Variants in AGMO observed in about 807,000 individuals in gnomAD.
AGMO encodes glyceryl-ether monooxygenase.
Under a neutral mutation model 60.2 loss-of-function variants are expected in AGMO, and 75 were observed. The ratio of observed to expected loss-of-function variants is 1.25; its 90% CI spans 1.03 to 1.51. The LOEUF is 1.51. AGMO is among the 40% of genes most tolerant of loss of function. The probability of loss-of-function intolerance (pLI) is 0.00; values close to 1 mark genes in which losing one functional copy is unlikely to be tolerated. For missense variants in AGMO, 763 were observed against 525.5 expected (o/e 1.45, Z -4.42); for synonymous variants, 261 against 177.1 (o/e 1.47, Z -3.76).
At chr7:15,322,694 G>A (rs191878147) in intron 12 of AGMO, among the ~76,000 whole-genome samples, 50,386 of 67,688 alleles carry the variant, frequency 0.74, 19,441 homozygotes, top group Admixed American at 0.84. Context: ...ATAAATATAT[G>A]AATATGTATA....
chr7:15,480,772 A>G (rs1238297700), intron 3 of AGMO, among the ~76,000 whole-genome samples: 1 of 152,086 alleles, frequency 6.6e-6, no homozygotes, highest in Non-Finnish European at 1.5e-5. Flanking sequence ...TTGTCAAAGC[A>G]CCTGCCACTG....
At chr7:15,381,309 T>C (rs887138417) in intron 10 of AGMO, among the ~76,000 whole-genome samples, 1 of 151,716 alleles carries the variant, frequency 6.6e-6, no homozygotes, top group Non-Finnish European at 1.5e-5. Context: ...CAAGCATCTA[T>C]AGGAACTTAA....
chr7:15,491,779 A>G (rs1455448323), intron 3 of AGMO, among the ~76,000 whole-genome samples: 3 of 152,204 alleles, frequency 2.0e-5, no homozygotes, highest in Non-Finnish European at 1.5e-5. Flanking sequence ...GATGAAAGAA[A>G]AATTATCTCA....
intron 2 of AGMO, among the ~76,000 whole-genome samples, chr7:15,554,952 C>T (rs921107549): frequency 4.0e-5 from 6 of 151,862 alleles, no homozygotes; most frequent in Admixed American, 6.6e-5. Flanking sequence ...CCTAAAACGA[C>T]TCTCACGTTG....
intron 10 of AGMO, among the ~76,000 whole-genome samples, chr7:15,371,217 CAA>C (rs879900101): frequency 6.6e-6 from 1 of 151,884 alleles, no homozygotes; most frequent in Non-Finnish European, 1.5e-5. Flanking sequence ...TATTTAATAA[CAA>C]TGTTTTATTT....
chr7:15,322,723 A>T (rs928490680), intron 12 of AGMO, among the ~76,000 whole-genome samples: 42,552 of 68,698 alleles, frequency 0.62, 12,934 homozygotes, highest in Admixed American at 0.73. Context: ...TAAATATATA[A>T]ATATATATAT....
At chr7:15,389,470 G>C (rs1784052982) in intron 8 of AGMO, among the ~76,000 whole-genome samples, 1 of 152,108 alleles carries the variant, frequency 6.6e-6, no homozygotes, top group Admixed American at 6.6e-5. Context: ...TTCTTAGTAA[G>C]TTTAATCAAG....
At chr7:15,205,580 G>T (rs537286875) in intron 12 of AGMO, among the ~76,000 whole-genome samples, 5 of 152,076 alleles carry the variant, frequency 3.3e-5, no homozygotes, top group African/African-American at 1.2e-4. Flanking sequence ...AAGTCATTTT[G>T]CTGAATGATA....
At chr7:15,276,919 T>G (rs1783813059) in intron 12 of AGMO, among the ~76,000 whole-genome samples, 1 of 151,030 alleles carries the variant, frequency 6.6e-6, no homozygotes, top group Admixed American at 6.6e-5. Flanking sequence ...GATATCTAAC[T>G]CTTCCTTCAT....
chr7:15,277,311 TAATAAATAAATAAATAAATA>T (rs35947599), intron 12 of AGMO, among the ~76,000 whole-genome samples: 4 of 144,984 alleles, frequency 2.8e-5, no homozygotes, highest in African/African-American at 7.6e-5. Flanking sequence ...TCTCAAAAAA[TAATAAATAAATAAATAAATA>T]AATAAATAAA....
intron 11 of AGMO, 77 bp downstream of exon 11, chr7:15,366,063 T>C (rs910044147): frequency 4.8e-5 from 50 of 1,038,716 alleles, no homozygotes; most frequent in Non-Finnish European, 6.6e-5. Flanking sequence ...TTACATAATA[T>C]ACTGGTATTT....
At chr7:15,304,389 T>C (rs1440357193) in intron 12 of AGMO, among the ~76,000 whole-genome samples, 1 of 152,106 alleles carries the variant, frequency 6.6e-6, no homozygotes, top group East Asian at 1.9e-4. Context: ...TGGATTGAAA[T>C]TCAAGGCCAA....
chr7:15,374,776 T>C (rs898286580), intron 10 of AGMO, among the ~76,000 whole-genome samples: 2 of 152,002 alleles, frequency 1.3e-5, no homozygotes, highest in Non-Finnish European at 2.9e-5. Context: ...ATTCCCTGAA[T>C]TGTGGAGAAA....
intron 10 of AGMO, among the ~76,000 whole-genome samples, chr7:15,374,888 C>T (rs1583474272): frequency 2.6e-5 from 4 of 151,986 alleles, no homozygotes; most frequent in Admixed American, 1.3e-4. Context: ...TGCAGAGTGT[C>T]GGTCAAGTCT....
intron 3 of AGMO, among the ~76,000 whole-genome samples, chr7:15,458,848 C>A (rs1255539224): frequency 6.6e-6 from 1 of 152,160 alleles, no homozygotes; most frequent in African/African-American, 2.4e-5. Context: ...AGAGAGGGCA[C>A]TCCCCTCTAC....
chr7:15,367,089 C>T (rs974033995), intron 10 of AGMO, among the ~76,000 whole-genome samples: 33 of 151,746 alleles, frequency 2.2e-4, no homozygotes, highest in Non-Finnish European at 4.4e-5. Flanking sequence ...AAAAATGAAC[C>T]ATTTACAGTT....
At chr7:15,546,193 GTAT>G (rs1784779163) in intron 2 of AGMO, among the ~76,000 whole-genome samples, 1 of 151,954 alleles carries the variant, frequency 6.6e-6, no homozygotes, top group African/African-American at 2.4e-5. Flanking sequence ...ATATTTCAAA[GTAT>G]TATTATTTAA....
intron 10 of AGMO, among the ~76,000 whole-genome samples, chr7:15,375,506 C>G (rs1316581835): frequency 6.7e-6 from 1 of 148,860 alleles, no homozygotes; most frequent in African/African-American, 2.5e-5. Flanking sequence ...AAGTGATTCT[C>G]TTGCCTCAGC....
At chr7:15,295,621 A>C (rs962692952) in intron 12 of AGMO, among the ~76,000 whole-genome samples, 2 of 152,228 alleles carry the variant, frequency 1.3e-5, no homozygotes, top group Non-Finnish European at 2.9e-5. Flanking sequence ...AATAATATAT[A>C]GATGTTTTGA....
Sources: gnomAD v4.1 joint callset for allele counts (sites outside exome capture counted in the v4.1 genomes callset) on GRCh38, gnomAD v4.1.1 for gene constraint, MANE v1.5 for transcripts, NCBI Gene and HGNC (gene_info 2026-07-23, HGNC 2026-07-21) for gene names.